Variants in NEDD4 observed in about 807,000 individuals in gnomAD.
The protein encoded by NEDD4 is E3 ubiquitin-protein ligase NEDD4.
A neutral mutation model predicts 144.9 loss-of-function variants in NEDD4; 99 were observed. That is an observed-to-expected ratio of 0.68 (90% CI 0.58 to 0.81). The LOEUF (loss-of-function observed/expected upper bound fraction) is 0.81, where lower values mean the gene tolerates loss of function less well. Ranked by LOEUF, NEDD4 falls within the 30% of genes least tolerant of loss-of-function variation. The pLI is 0.00. For synonymous variants in NEDD4, 318 were observed against 350.6 expected, an observed-to-expected ratio of 0.91 and a Z score of 1.04; for missense variants, 985 against 1,065.9, an observed-to-expected ratio of 0.92 and a Z score of 1.06.
chr15:55,952,142 C>T (rs926803089), intron 2 of NEDD4, among the ~76,000 whole-genome samples: 1 of 151,276 alleles, frequency 6.6e-6, no homozygotes, highest in Non-Finnish European at 1.5e-5. Context: ...TCCTGGCTAA[C>T]ATGGTGAAAC....
At chr15:55,864,474 G>A (rs1384783523) in intron 8 of NEDD4, among the ~76,000 whole-genome samples, 1 of 151,930 alleles carries the variant, frequency 6.6e-6, no homozygotes, top group Non-Finnish European at 1.5e-5. Context: ...TTGAAGTAGG[G>A]AGTTTGAGAC....
At position 55,869,605 on chromosome 15, in the gene NEDD4, T is replaced by C; in HGVS notation, c.481A>G (p.Asn161Asp). The change falls in exon 8 of 29, where the codon AAT (asparagine) becomes GAT (aspartate). Residue 161 changes from asparagine to aspartate, a missense_variant. Physicochemically the swap from Asn to Asp is conservative, Grantham distance 23. Coordinates refer to ENST00000435532, the MANE Select transcript of NEDD4 (RefSeq NM_006154.4). ...LPKTSGSEDD[N>D]AEQAEELEPG... ...TCTAATTCCTCAGCCTGTTCTGCAT[T>C]ATCATCTTCTGAGCCACTGGTTTTA... 6.3e-7 allele frequency: 1 copy of C among 1,584,186 alleles called. No homozygotes were observed. The highest frequency in any genetic ancestry group is 8.6e-7 in the Non-Finnish European group (1 of 1,163,192).
chr15:55,915,987 G>T, intron 5 of NEDD4: 1 of 1,613,786 alleles, frequency 6.2e-7, no homozygotes, highest in Non-Finnish European at 8.5e-7. Flanking sequence ...ACACAGACTT[G>T]TTGGAGAAGT....
At position 55,842,057 on chromosome 15, in the gene NEDD4, C is replaced by T. The variant is rs770204656; in HGVS notation, c.1715G>A (p.Arg572Gln). The change falls in exon 19 of 29, where the codon CGA becomes CAA. Residue 572 changes from arginine to glutamine, a missense_variant. Coordinates refer to ENST00000435532, the MANE Select transcript of NEDD4 (RefSeq NM_006154.4). The stretch of plus-strand genomic sequence containing the variant: ...TTCACCATCAAACTCAATCCACAGT[C>T]GAGCCTTCAGGAAGTCTGCTCTCTT... ...GVKRADFLKA[R>Q]LWIEFDGEKG... The T allele has an allele frequency of 1.4e-5, 22 of 1,614,184 alleles. No individual in the cohort carries two copies. Among genetic ancestry groups the T allele is most frequent in the East Asian group, 1.1e-4 (5 of 44,880 alleles).
chr15:55,853,560 C>T lies in NEDD4; in HGVS notation c.1027-1017G>A, dbSNP rs541553657. Among the ~76,000 whole-genome samples the T allele has an allele frequency of 9.8e-5, 15 of 152,340 alleles. No homozygotes were observed. In the South Asian group the frequency reaches 1.7e-3, roughly 17 times the overall value. On this transcript the variant is annotated intron_variant, in intron 12 of 28. Transcript: ENST00000435532. ...GATTTGAACCCAGGTAATCTAACAACAGAAATCATGCTTATCTGCTGAATC... is the reference window on the plus strand; with the variant it reads ...GATTTGAACCCAGGTAATCTAACAATAGAAATCATGCTTATCTGCTGAATC...
chr15:55,977,632 G>A (rs1385140573), intron 1 of NEDD4, among the ~76,000 whole-genome samples: 1 of 151,656 alleles, frequency 6.6e-6, no homozygotes, highest in African/African-American at 2.4e-5. Flanking sequence ...AGAAAGAAGG[G>A]AAATCCTCAG....
At chr15:55,847,676 CT>C (rs149696600) in intron 17 of NEDD4, among the ~76,000 whole-genome samples, 2,975 of 113,298 alleles carry the variant, frequency 0.026, 36 homozygotes, top group Non-Finnish European at 0.035. Context: ...TTTCTTTTTC[CT>C]TTTTTTTTTT....
At position 55,889,600 on chromosome 15, in the gene NEDD4, T is replaced by C. The variant is rs574305140; in HGVS notation, c.292-15592A>G. On this transcript the variant is annotated intron_variant, in intron 5 of 28. Transcript: ENST00000435532. Reference sequence around the variant, plus strand: ...GTAGTGGGGTAGGGAGAAGTAGAGATAAGTAATGGCTACACAAAAAAGAAT... The same window carrying C: ...GTAGTGGGGTAGGGAGAAGTAGAGACAAGTAATGGCTACACAAAAAAGAAT... 2.6e-5 allele frequency among the ~76,000 whole-genome samples: 4 copies of C among 152,238 alleles called. No individual in the cohort carries two copies. In the East Asian group the frequency reaches 5.8e-4, roughly 22 times the overall value.
At position 55,863,093 on chromosome 15, in the gene NEDD4, T is replaced by C. The variant is rs771978574; in HGVS notation, c.508-14A>G. 1 of 1,549,342 alleles carries C rather than the reference T, an allele frequency of 6.5e-7. No individual in the cohort carries two copies. The highest frequency in any genetic ancestry group is 8.8e-7 in the Non-Finnish European group (1 of 1,140,036). ...AACCCAGCCAGGCTGAAAAACAGGA[T>C]GGCAGCAATTAAGTTTACGCATGAT... On this transcript the variant is annotated splice_polypyrimidine_tract_variant and intron_variant, in intron 8 of 28. Coordinates refer to ENST00000435532, the MANE Select transcript of NEDD4 (RefSeq NM_006154.4).
At chr15:55,888,547 T>G (rs1184355411) in intron 5 of NEDD4, among the ~76,000 whole-genome samples, 1 of 152,180 alleles carries the variant, frequency 6.6e-6, no homozygotes. Context: ...TCTACAGATT[T>G]GATGCAATCC....
chr15:55,871,028 C>T (rs1037729374), intron 7 of NEDD4, among the ~76,000 whole-genome samples: 12 of 152,108 alleles, frequency 7.9e-5, no homozygotes, highest in African/African-American at 2.9e-4. Context: ...TTACCTACCC[C>T]CACTCCCAAG....
intron 8 of NEDD4, among the ~76,000 whole-genome samples, chr15:55,868,648 G>A (rs1348319989): frequency 2.0e-5 from 3 of 152,090 alleles, no homozygotes; most frequent in African/African-American, 7.2e-5. Flanking sequence ...CCAGCCATGT[G>A]GAACTGAGTC....
intron 28 of NEDD4, 116 bp from the exon 29 acceptor site, chr15:55,830,115 T>A: frequency 1.4e-6 from 1 of 719,304 alleles, no homozygotes; most frequent in Non-Finnish European, 2.3e-6. Context: ...CCAAAATATG[T>A]CTTTTCACCA....
intron 1 of NEDD4, among the ~76,000 whole-genome samples, chr15:55,968,753 AG>A (rs879749889): frequency 6.6e-6 from 1 of 152,234 alleles, no homozygotes; most frequent in Admixed American, 6.5e-5. Flanking sequence ...ATAAAAACCC[AG>A]GAACTGTATT....
chr15:55,985,602 T>C (rs1423991184), intron 1 of NEDD4, among the ~76,000 whole-genome samples: 1 of 152,180 alleles, frequency 6.6e-6, no homozygotes, highest in Admixed American at 6.5e-5. Context: ...TTTTCACTGT[T>C]AGAAAAGGTA....
chr15:55,982,227 G>A (rs1204975053), intron 1 of NEDD4, among the ~76,000 whole-genome samples: 1 of 152,084 alleles, frequency 6.6e-6, no homozygotes, highest in Non-Finnish European at 1.5e-5. Flanking sequence ...TTCTTATAAA[G>A]TTAAACACAT....
intron 4 of NEDD4, among the ~76,000 whole-genome samples, chr15:55,947,508 T>C (rs945084862): frequency 2.6e-4 from 40 of 152,120 alleles, no homozygotes; most frequent in Admixed American, 1.6e-3. Context: ...GGCTCTGAAA[T>C]TGAGACAATA....
chr15:55,903,102 A>G (rs555386471), intron 5 of NEDD4, among the ~76,000 whole-genome samples: 1 of 152,336 alleles, frequency 6.6e-6, no homozygotes, highest in South Asian at 2.1e-4. Flanking sequence ...TCACTCAACA[A>G]TGGCCATAAG....
At chr15:55,973,431 T>A (rs1409783784) in intron 1 of NEDD4, among the ~76,000 whole-genome samples, 1 of 152,052 alleles carries the variant, frequency 6.6e-6, no homozygotes, top group African/African-American at 2.4e-5. Flanking sequence ...TCCCAGCTCA[T>A]CAGGAGGCTG....
Sources: gnomAD v4.1 joint callset for allele counts (sites outside exome capture counted in the v4.1 genomes callset) on GRCh38, gnomAD v4.1.1 for gene constraint, MANE v1.5 for transcripts, NCBI Gene and HGNC (gene_info 2026-07-23, HGNC 2026-07-21) for gene names.